The following CENPT variants were observed in gnomAD, a reference collection of about 807,000 sequenced individuals.
The protein encoded by CENPT is interphase centromere complex protein 22.
A neutral mutation model predicts 59.7 loss-of-function variants in CENPT; 42 were observed. The ratio of observed to expected loss-of-function variants is 0.70; its 90% CI spans 0.55 to 0.91. The LOEUF (loss-of-function observed/expected upper bound fraction) is 0.91. Among genes scored for constraint, CENPT ranks in the 40% least tolerant of loss-of-function variants. CENPT has a pLI of 0.00. For synonymous variants in CENPT, 295 were observed against 289.6 expected (o/e 1.02, Z -0.19); for missense variants, 716 against 713.4 (o/e 1.00, Z -0.04).
chr16:67,832,586 G>A (rs1343858601), intron 4 of CENPT, 41 bp from the exon 5 acceptor site: 3 of 1,550,966 alleles, frequency 1.9e-6, no homozygotes, highest in Non-Finnish European at 2.7e-6. Flanking sequence ...TTACGGTGAG[G>A]AGGGATAGAG....
chr16:67,840,091 C>G (rs1482783807), intron 1 of CENPT, among the ~76,000 whole-genome samples: 2 of 151,824 alleles, frequency 1.3e-5, no homozygotes, highest in Non-Finnish European at 2.9e-5. Context: ...CCGAGGCGGG[C>G]GGATCACGAA....
Position 67,832,226 on chromosome 16 carries a change from AC to A in CENPT, c.289+1del. The A allele has an allele frequency of 6.2e-7, 1 of 1,614,082 alleles. No individual in the cohort carries two copies. The highest frequency in any genetic ancestry group is 8.5e-7 in the Non-Finnish European group (1 of 1,179,956). On this transcript the variant is annotated splice_donor_variant, in intron 6 of 15. Coordinates refer to ENST00000562787, the MANE Select transcript of CENPT (RefSeq NM_025082.4). LOFTEE classifies it high-confidence loss of function. ...CTGACCGGCAGGCCAGCGCTCACTT[AC>A]CAGTTAGTAGGATGTTCTTCAGCAG...
chr16:67,831,667 G>A, intron 8 of CENPT, 55 bp from the exon 9 acceptor site: 19 of 1,609,470 alleles, frequency 1.2e-5, no homozygotes, highest in Non-Finnish European at 1.6e-5. Flanking sequence ...AAGTGATCCA[G>A]GCCTGTGAGG....
chr16:67,842,599 G>C lies in CENPT; in HGVS notation c.-492+4802C>G, dbSNP rs1353660307. The C allele has an allele frequency of 3.2e-6, 5 of 1,547,476 alleles. No homozygotes were observed. The South Asian group carries it at 6.0e-5, about 18-fold the overall frequency. On this transcript the variant is annotated intron_variant, in intron 1 of 15. Transcript: ENST00000562787. The surrounding 1 kb of genome is among the most constrained non-coding windows in gnomAD (Gnocchi z 4.9). ...GCGTGCCAGGCTGCTACAACAACTC[G>C]CACCGGGACAAGGCGCTGCACTTCT...
chr16:67,830,252 G>A (rs1324419428), intron 11 of CENPT, 138 bp downstream of exon 11: 4 of 1,266,108 alleles, frequency 3.2e-6, no homozygotes, highest in African/African-American at 1.5e-5. Context: ...GCCCAACATG[G>A]ACTCTGCTCT....
Position 67,832,024 on chromosome 16 carries a change from C to A in CENPT, c.374G>T (p.Ser125Ile). 5 of 1,604,812 alleles carry A rather than the reference C, an allele frequency of 3.1e-6. No individual in the cohort carries two copies. Among genetic ancestry groups the A allele is most frequent in the Non-Finnish European group, 4.3e-6 (5 of 1,174,044 alleles). ...GAGTTCTGTGTACCTGCCGCAACTG[C>A]TCTCTTGTCTGGAGGGTTGGACCGC... The part of the protein sequence containing the change: ...PQAVQPSRQE[S>I]SCGSLELQLP... Residue 125 changes from serine (S) to isoleucine (I), a missense_variant, in exon 7 of 16, where the codon AGC becomes ATC. Physicochemically the swap from Ser to Ile is moderately radical, Grantham distance 142 (BLOSUM62 -2). Transcript: ENST00000562787.
Position 67,842,319 on chromosome 16 carries a change from C to G in CENPT, c.-492+5082G>C, listed in dbSNP as rs1197751326. ...CTCAGGCGGTCCTTCGCGGCGTCCC[C>G]GGGGCCCACTCCCGAGCGCAGGCGG... On this transcript the variant is annotated intron_variant, in intron 1 of 15. Transcript: ENST00000562787. The surrounding 1 kb of genome is among the most constrained non-coding windows in gnomAD (Gnocchi z 4.9). 5 of 176,174 alleles carry G rather than the reference C, an allele frequency of 2.8e-5. No homozygotes were observed. Among genetic ancestry groups the G allele is most frequent in the Non-Finnish European group, 1.2e-5 (1 of 84,982 alleles). The allele number at this position is 176,174 out of a possible 1,614,324, so 10.9% of individuals were successfully genotyped here.
intron 3 of CENPT, 140 bp downstream of exon 3, chr16:67,835,032 G>C (rs1598146028): frequency 6.6e-6 from 1 of 152,172 alleles, no homozygotes; most frequent in African/African-American, 2.4e-5. Flanking sequence ...GTAGAGACAG[G>C]GTTTCTCCAT....
At chr16:67,838,882 G>C (rs1443632042) in intron 1 of CENPT, among the ~76,000 whole-genome samples, 2 of 150,636 alleles carry the variant, frequency 1.3e-5, no homozygotes, top group East Asian at 3.9e-4. Context: ...AACTGAGATT[G>C]TGCCACTGCA....
chr16:67,830,481 G>A lies in CENPT; in HGVS notation c.771C>T (p.Ser257=), dbSNP rs998127588. ...CCCCAGTGTGAGGCGTGCAGGGCAG[G>A]GAGTGATACACGTTGGGGGAGCCAA... is the stretch of plus-strand genomic sequence containing the variant. ...PMVGSPNVYH[S]LPCTPHTGAE... Residue 257 remains serine (S), a synonymous_variant, in exon 11 of 16, where the codon TCC becomes TCT. Coordinates refer to ENST00000562787, the MANE Select transcript of CENPT (RefSeq NM_025082.4). The A allele has an allele frequency of 1.2e-6, 2 of 1,614,046 alleles. No homozygotes were observed. Among genetic ancestry groups the A allele is most frequent in the African/African-American group, 2.7e-5 (2 of 74,938 alleles).
intron 11 of CENPT, 49 bp from the exon 12 acceptor site, chr16:67,830,137 T>A: frequency 1.3e-6 from 2 of 1,569,314 alleles, no homozygotes; most frequent in South Asian, 1.1e-5. Flanking sequence ...AGGCCAAGGC[T>A]GCATAGCTCA....
At position 67,830,089 on chromosome 16, in the gene CENPT, C is replaced by G. The variant is rs983823656; in HGVS notation, c.863-1G>C. 6 of 1,613,820 alleles carry G rather than the reference C, an allele frequency of 3.7e-6. No homozygotes were observed. The highest frequency in any genetic ancestry group is 5.1e-6 in the Non-Finnish European group (6 of 1,179,900). ...AGAAACTGGGCTGGTTTCCCAGGGC[C>G]TGAGTGAAGGGGAGAGAATACAGGC... is the stretch of plus-strand genomic sequence containing the variant. On this transcript the variant is annotated splice_acceptor_variant, in intron 11 of 15. Transcript: ENST00000562787. LOFTEE classifies it high-confidence loss of function.
chr16:67,843,727 C>T lies in CENPT; in HGVS notation c.-492+3674G>A, dbSNP rs565237462. 19 of 505,152 alleles carry T rather than the reference C, an allele frequency of 3.8e-5. No individual in the cohort carries two copies. In the East Asian group the frequency reaches 4.3e-4, roughly 11 times the overall value. 31.3% of individuals were successfully genotyped at this position (505,152 alleles called of 1,614,324 possible). A position where few individuals can be genotyped will look rare whatever the true frequency, so the allele number is the denominator to read the frequency against. On this transcript the variant is annotated intron_variant, in intron 1 of 15. Coordinates refer to ENST00000562787, the MANE Select transcript of CENPT (RefSeq NM_025082.4). This position sits in a 1 kb window ranked among gnomAD's most constrained non-coding sequence, Gnocchi z 5.7. ...ACCAGCAATTATGACTTTGTCTACC[C>T]TTCCTCCCCAGTTATTGTTGCAGAT...
chr16:67,833,996 G>A lies in CENPT; in HGVS notation c.-137C>T, dbSNP rs541404999. 5.2e-6 allele frequency: 3 copies of A among 578,652 alleles called. No individual in the cohort carries two copies. Among genetic ancestry groups the A allele is most frequent in the South Asian group, 2.7e-5 (1 of 37,432 alleles). 35.8% of individuals were successfully genotyped at this position (578,652 alleles called of 1,614,324 possible). On this transcript the variant is annotated 5_prime_UTR_variant, in exon 4 of 16. Transcript: ENST00000562787. ...AGTTCTCGCACTATCGCAGCTCGCG[G>A]GGTGGACAGTGATGGTTGCAAACTC...
chr16:67,836,531 G>C (rs1306470283), intron 1 of CENPT, among the ~76,000 whole-genome samples: 4 of 150,984 alleles, frequency 2.6e-5, no homozygotes, highest in African/African-American at 7.3e-5. Flanking sequence ...CTGCCTCCTG[G>C]GTTCAAGCAA....
intron 1 of CENPT, among the ~76,000 whole-genome samples, chr16:67,837,888 G>T (rs548582246): frequency 2.0e-5 from 3 of 152,324 alleles, no homozygotes; most frequent in Non-Finnish European, 2.9e-5. Context: ...CTCTGGGAAA[G>T]AATCTGGACA....
intron 1 of CENPT, among the ~76,000 whole-genome samples, chr16:67,835,967 C>G (rs1418495105): frequency 6.6e-6 from 1 of 151,750 alleles, no homozygotes; most frequent in Non-Finnish European, 1.5e-5. Context: ...TCATGCTGGT[C>G]TCGAACTCCT....
chr16:67,829,233 TC>T (rs1333679324), intron 13 of CENPT, 189 bp downstream of exon 13: 1 of 535,606 alleles, frequency 1.9e-6, no homozygotes, highest in Non-Finnish European at 3.2e-6. Context: ...TCACCCAGGC[TC>T]CTCTAAGCCG....
rs745974118 is a variant in CENPT at position 67,828,787 on chromosome 16, G to T, written c.1337C>A (p.Thr446Asn). 4 of 1,607,296 alleles carry T rather than the reference G, an allele frequency of 2.5e-6. No homozygotes were observed. In the East Asian group the frequency reaches 6.7e-5, roughly 27 times the overall value. The change falls in exon 14 of 16, where the codon ACC (threonine) becomes AAC (asparagine). Residue 446 changes from threonine (T) to asparagine (N), a missense_variant. Coordinates refer to ENST00000562787, the MANE Select transcript of CENPT (RefSeq NM_025082.4). Reference protein sequence around the residue: ...LLVRHPPRPRTTGPRPRQDPH... With the variant: ...LLVRHPPRPRNTGPRPRQDPH... ...ATCTTGCCGGGGCCTGGGGCCGGTG[G>T]TCCGGGGCCTAGGGGGATGCCTGAC...
Sources: gnomAD v4.1 joint callset for allele counts (sites outside exome capture counted in the v4.1 genomes callset) on GRCh38, gnomAD v4.1.1 for gene constraint, Gnocchi (gnomAD v3.1) non-coding constraint, MANE v1.5 for transcripts, NCBI Gene and HGNC (gene_info 2026-07-23, HGNC 2026-07-21) for gene names.